KLHL32: variants seen among roughly 807,000 people sequenced by gnomAD.
KLHL32 encodes the protein kelch-like protein 32.
KLHL32 carries 35 observed loss-of-function variants against 64.8 expected under a neutral mutation model. That is an observed-to-expected ratio of 0.54 (90% confidence interval 0.41 to 0.72). The LOEUF (loss-of-function observed/expected upper bound fraction) is 0.72, where lower values mean the gene tolerates loss of function less well. Among genes scored for constraint, KLHL32 ranks in the 30% least tolerant of loss-of-function variants. The probability of loss-of-function intolerance (pLI) is 0.00; values close to 1 mark genes in which losing one functional copy is unlikely to be tolerated. For synonymous variants in KLHL32, 259 were observed against 281.0 expected (o/e 0.92, Z 0.78); for missense variants, 589 against 768.5 (o/e 0.77, Z 2.76).
At chr6:96,998,859 G>T (rs1467489010) in intron 3 of KLHL32, among the ~76,000 whole-genome samples, 1 of 152,156 alleles carries the variant, frequency 6.6e-6, no homozygotes, top group East Asian at 1.9e-4. Flanking sequence ...GCATTACATG[G>T]TAAACTGATC....
intron 3 of KLHL32, among the ~76,000 whole-genome samples, chr6:97,035,879 A>T (rs1456356470): frequency 6.6e-6 from 1 of 152,098 alleles, no homozygotes; most frequent in Non-Finnish European, 1.5e-5. Context: ...TCCTTCCCTG[A>T]TTTAGAATGT....
At chr6:96,917,793 T>C in the KLHL32 span, among the ~76,000 whole-genome samples, 1 of 152,198 alleles carries the variant, frequency 6.6e-6, no homozygotes, top group Non-Finnish European at 1.5e-5. Flanking sequence ...GCATCTTTAG[T>C]GTAAGGACAT....
chr6:97,043,021 C>A (rs1785363651), intron 4 of KLHL32, among the ~76,000 whole-genome samples: 1 of 152,346 alleles, frequency 6.6e-6, no homozygotes, highest in East Asian at 1.9e-4. Context: ...CGTGCTTCCT[C>A]TCTTACTATG....
At chr6:96,914,678 TTTTTC>T in the KLHL32 span, 1 of 152,072 alleles carries the variant, frequency 6.6e-6, no homozygotes, top group South Asian at 2.1e-4. Context: ...GGACAATTTC[TTTTTC>T]TTTTATTTTT....
chr6:96,969,993 A>G (rs1371245735), intron 2 of KLHL32, among the ~76,000 whole-genome samples: 13 of 152,208 alleles, frequency 8.5e-5, no homozygotes, highest in Admixed American at 8.5e-4. Flanking sequence ...ATCAAGTTGT[A>G]TAAGCCAGAA....
chr6:96,949,826 A>C (rs1337982424), intron 1 of KLHL32, among the ~76,000 whole-genome samples: 1 of 152,168 alleles, frequency 6.6e-6, no homozygotes, highest in East Asian at 1.9e-4. Flanking sequence ...AAGGAAGGGA[A>C]ATTCAGTAGG....
intron 7 of KLHL32, among the ~76,000 whole-genome samples, chr6:97,117,387 G>A (rs930659698): frequency 6.6e-6 from 1 of 152,108 alleles, no homozygotes; most frequent in African/African-American, 2.4e-5. Flanking sequence ...TAGGGTCTTG[G>A]TTCTGTTCTC....
At chr6:96,985,414 G>A (rs1776895514) in intron 3 of KLHL32, among the ~76,000 whole-genome samples, 1 of 152,052 alleles carries the variant, frequency 6.6e-6, no homozygotes, top group Admixed American at 6.6e-5. Context: ...TGTGAATGTT[G>A]GCCTGCCTTG....
chr6:97,066,297 A>T (rs1789730832), intron 5 of KLHL32, among the ~76,000 whole-genome samples: 1 of 152,188 alleles, frequency 6.6e-6, no homozygotes, highest in Admixed American at 6.5e-5. Flanking sequence ...AATGGTGTGT[A>T]TATGCAGGGG....
chr6:97,071,236 C>G (rs893022532), intron 5 of KLHL32, among the ~76,000 whole-genome samples: 4 of 152,138 alleles, frequency 2.6e-5, no homozygotes, highest in Non-Finnish European at 4.4e-5. Context: ...CTCAAAAGTT[C>G]TTCCAACAAA....
chr6:97,123,885 C>G (rs943098887), intron 7 of KLHL32, among the ~76,000 whole-genome samples: 1 of 152,140 alleles, frequency 6.6e-6, no homozygotes, highest in African/African-American at 2.4e-5. Context: ...CAAGGGTACT[C>G]CAGTCTAGGA....
At chr6:97,006,449 T>G (rs1779677760) in intron 3 of KLHL32, among the ~76,000 whole-genome samples, 1 of 152,194 alleles carries the variant, frequency 6.6e-6, no homozygotes, top group African/African-American at 2.4e-5. Flanking sequence ...AGTTGGGTCT[T>G]GCTTCTTTAT....
At chr6:96,989,530 A>AT (rs1172345203) in intron 3 of KLHL32, among the ~76,000 whole-genome samples, 1 of 151,676 alleles carries the variant, frequency 6.6e-6, no homozygotes, top group Admixed American at 6.6e-5. Flanking sequence ...TGCCTTTAAT[A>AT]TTTTTTTCTT....
intron 1 of KLHL32, among the ~76,000 whole-genome samples, chr6:96,965,377 T>C (rs10485382): frequency 0.066 from 10,008 of 152,278 alleles, 340 homozygotes; most frequent in South Asian, 0.12. Flanking sequence ...CTCCAAACGA[T>C]AAATGTCTGT....
In KLHL32 at chr6:97,041,562, G is replaced by T. The variant is rs749660491; in HGVS notation, c.275G>T (p.Gly92Val). Residue 92 changes from glycine (G) to valine (V), a missense_variant, in exon 4 of 11, where the codon GGC (glycine) becomes GTC (valine). Around this residue, in one of 3 missense-constraint regions of KLHL32, gnomAD observed 191 missense variants for 223.3 expected, o/e 0.86. Transcript: ENST00000369261. ...EVNLHGVTSL[G>V]LKQALEFAYT... ...AATTTGCACGGTGTGACCAGCCTTG[G>T]CTTAAAGCAGGCTCTGGAGTTTGCA... 1 of 1,613,590 alleles carries T rather than the reference G, an allele frequency of 6.2e-7. No homozygotes were observed. The highest frequency in any genetic ancestry group is 8.5e-7 in the Non-Finnish European group (1 of 1,179,598).
At chr6:97,131,503 G>C (rs1562368355) in intron 9 of KLHL32, among the ~76,000 whole-genome samples, 1 of 152,076 alleles carries the variant, frequency 6.6e-6, no homozygotes, top group Non-Finnish European at 1.5e-5. Context: ...GCAACATTAG[G>C]TATGGACCTT....
At chr6:97,111,020 A>G (rs1797038498) in intron 6 of KLHL32, among the ~76,000 whole-genome samples, 1 of 148,910 alleles carries the variant, frequency 6.7e-6, no homozygotes, top group African/African-American at 2.5e-5. Context: ...AAGATACCAC[A>G]GAAAAGTCTT....
chr6:97,017,675 G>A (rs1360245872), intron 3 of KLHL32, among the ~76,000 whole-genome samples: 1 of 152,106 alleles, frequency 6.6e-6, no homozygotes, highest in Non-Finnish European at 1.5e-5. Context: ...TTTCTCTTTT[G>A]GGGATATGGC....
At chr6:97,035,043 G>A (rs371663899) in intron 3 of KLHL32, among the ~76,000 whole-genome samples, 6 of 151,816 alleles carry the variant, frequency 4.0e-5, no homozygotes, top group Admixed American at 2.0e-4. Flanking sequence ...GAATAAAAGC[G>A]GTCTCTCGTC....
Sources: gnomAD v4.1 joint callset for allele counts (sites outside exome capture counted in the v4.1 genomes callset) on GRCh38, gnomAD v4.1.1 for gene constraint, gnomAD v4.1.1 regional missense constraint, MANE v1.5 for transcripts, NCBI Gene and HGNC (gene_info 2026-07-23, HGNC 2026-07-21) for gene names.